ABCG2: variants seen among roughly 807,000 people sequenced by gnomAD.
ABCG2 encodes the protein ATP binding cassette subfamily G member 2 (JR blood group).
A neutral mutation model predicts 73.5 loss-of-function variants in ABCG2; 80 were observed. The ratio of observed to expected loss-of-function variants is 1.09; its 90% confidence interval spans 0.91 to 1.31. ABCG2 has a LOEUF of 1.31. ABCG2 is among the 50% of genes most tolerant of loss of function. ABCG2 has a pLI of 0.00. For synonymous variants in ABCG2, 269 were observed against 282.4 expected, an observed-to-expected ratio of 0.95 and a Z score of 0.48; for missense variants, 796 against 786.2, an observed-to-expected ratio of 1.01 and a Z score of -0.15.
chr4:88,116,421 C>T (rs570302465), intron 7 of ABCG2, among the ~76,000 whole-genome samples: 1 of 151,886 alleles, frequency 6.6e-6, no homozygotes, highest in South Asian at 2.1e-4. Context: ...AGAAACATGG[C>T]CAATGAATAT....
intron 1 of ABCG2, among the ~76,000 whole-genome samples, chr4:88,152,806 G>T (rs1020115606): frequency 6.6e-6 from 1 of 152,058 alleles, no homozygotes; most frequent in Non-Finnish European, 1.5e-5. Flanking sequence ...TTTTTGGGGG[G>T]TGGTATGGAG....
intron 1 of ABCG2, among the ~76,000 whole-genome samples, chr4:88,141,929 AAAAC>A (rs1725677467): frequency 1.3e-5 from 2 of 152,068 alleles, no homozygotes; most frequent in South Asian, 4.2e-4. Context: ...AAGATCTACA[AAAAC>A]AAACAAAAAT....
At chr4:88,141,049 G>T (rs1355020994) in intron 1 of ABCG2, among the ~76,000 whole-genome samples, 1 of 152,170 alleles carries the variant, frequency 6.6e-6, no homozygotes, top group Non-Finnish European at 1.5e-5. Context: ...TGTGAAACAG[G>T]TTTGAAATGT....
At chr4:88,162,531 A>G (rs1454972082), upstream of ABCG2, among the ~76,000 whole-genome samples, 2 of 152,148 alleles carry the variant, frequency 1.3e-5, no homozygotes, top group Non-Finnish European at 2.9e-5. Context: ...GCAGTGGTAA[A>G]TCAAATAAAA....
chr4:88,108,375 C>CA (rs1722900269), intron 9 of ABCG2, among the ~76,000 whole-genome samples: 1 of 151,036 alleles, frequency 6.6e-6, no homozygotes, highest in South Asian at 2.1e-4. Context: ...AAAACACACA[C>CA]AAAAAAATTA....
At chr4:88,210,071 C>T (rs1359349848) in intron 1 of ABCG2, among the ~76,000 whole-genome samples, 4 of 152,094 alleles carry the variant, frequency 2.6e-5, no homozygotes, top group African/African-American at 7.2e-5. Context: ...AGACTATTAC[C>T]TTGTGGGTAT....
intron 1 of ABCG2, among the ~76,000 whole-genome samples, chr4:88,219,576 A>ATTTTTTTTTTTTTTT (rs5860122): frequency 1.1e-5 from 1 of 90,872 alleles, no homozygotes; most frequent in Non-Finnish European, 2.0e-5. Flanking sequence ...TACCATTCAA[A>ATTTTTTTTTTTTTTT]TTTTTTTTTT....
intron 1 of ABCG2, among the ~76,000 whole-genome samples, chr4:88,199,262 C>A (rs1408280606): frequency 2.0e-5 from 3 of 152,102 alleles, no homozygotes; most frequent in African/African-American, 7.2e-5. Flanking sequence ...AGCCACTGCG[C>A]CTGGCCAAAA....
At chr4:88,154,645 C>A (rs1017955084) in intron 1 of ABCG2, among the ~76,000 whole-genome samples, 5 of 151,950 alleles carry the variant, frequency 3.3e-5, no homozygotes, top group African/African-American at 1.2e-4. Flanking sequence ...GGTGAATGCC[C>A]GGTGGATCAG....
At chr4:88,207,272 A>T (rs549054068) in intron 1 of ABCG2, among the ~76,000 whole-genome samples, 4 of 152,288 alleles carry the variant, frequency 2.6e-5, no homozygotes, top group African/African-American at 7.2e-5. Flanking sequence ...ACCAGCTATT[A>T]CATGAGTTCA....
At chr4:88,194,695 A>G (rs1445995900) in intron 1 of ABCG2, among the ~76,000 whole-genome samples, 1 of 151,908 alleles carries the variant, frequency 6.6e-6, no homozygotes, top group Admixed American at 6.6e-5. Context: ...ACTGTCTTAC[A>G]GCTAAACTTG....
chr4:88,193,184 G>A (rs904416079), intron 1 of ABCG2, among the ~76,000 whole-genome samples: 1 of 152,068 alleles, frequency 6.6e-6, no homozygotes, highest in Admixed American at 6.6e-5. Context: ...ATGTTAACTT[G>A]TGCTATTTTT....
At chr4:88,210,998 G>T (rs1729568194) in intron 1 of ABCG2, among the ~76,000 whole-genome samples, 1 of 151,878 alleles carries the variant, frequency 6.6e-6, no homozygotes, top group Non-Finnish European at 1.5e-5. Flanking sequence ...GATTTCTTGG[G>T]GCCAGGAACT....
intron 1 of ABCG2, among the ~76,000 whole-genome samples, chr4:88,195,928 C>G (rs1233660355): frequency 6.6e-6 from 1 of 152,178 alleles, no homozygotes; most frequent in Non-Finnish European, 1.5e-5. Context: ...GGCATTTTGC[C>G]TCTTAGTGCA....
chr4:88,103,941 T>C (rs1722610670), intron 10 of ABCG2, among the ~76,000 whole-genome samples: 1 of 152,266 alleles, frequency 6.6e-6, no homozygotes, highest in Admixed American at 6.5e-5. Flanking sequence ...CCACATTTTC[T>C]TTATCAAATC....
chr4:88,158,985 C>T (rs1167107956), upstream of ABCG2: 1 of 360,680 alleles, frequency 2.8e-6, no homozygotes, highest in Admixed American at 3.5e-5. Context: ...CCCCGACTGC[C>T]GGGCCGCGAT....
At chr4:88,185,263 C>G (rs538728046) in intron 1 of ABCG2, among the ~76,000 whole-genome samples, 9 of 152,256 alleles carry the variant, frequency 5.9e-5, no homozygotes, top group African/African-American at 2.2e-4. Flanking sequence ...ACTCGTGAGG[C>G]TGAGGGAGGA....
At chr4:88,216,090 G>A (rs1321510197) in intron 1 of ABCG2, among the ~76,000 whole-genome samples, 1 of 152,180 alleles carries the variant, frequency 6.6e-6, no homozygotes, top group Non-Finnish European at 1.5e-5. Flanking sequence ...ACTTAGGCGA[G>A]ACTGTTAAAC....
At chr4:88,191,223 G>A (rs1228183363) in intron 1 of ABCG2, among the ~76,000 whole-genome samples, 7 of 134,702 alleles carry the variant, frequency 5.2e-5, no homozygotes, top group Non-Finnish European at 1.1e-4. Flanking sequence ...AGTGCTCCAA[G>A]ATCGCGCCAG....
Sources: gnomAD v4.1 joint callset for allele counts (sites outside exome capture counted in the v4.1 genomes callset) on GRCh38, gnomAD v4.1.1 for gene constraint, MANE v1.5 for transcripts, NCBI Gene and HGNC (gene_info 2026-07-23, HGNC 2026-07-21) for gene names.